Variants in MBTPS1 observed in about 807,000 individuals in gnomAD.
The protein encoded by MBTPS1 is membrane-bound transcription factor site-1 protease.
A neutral mutation model predicts 127.8 loss-of-function variants in MBTPS1; 94 were observed. The ratio of observed to expected loss-of-function variants is 0.74; its 90% CI spans 0.62 to 0.87. The LOEUF is 0.87. Ranked by LOEUF, MBTPS1 falls within the 40% of genes least tolerant of loss-of-function variation. The pLI, the probability that MBTPS1 is intolerant of heterozygous loss-of-function variation, is 0.00. For synonymous variants in MBTPS1, 632 were observed against 509.4 expected, an observed-to-expected ratio of 1.24 and a Z score of -3.24; for missense variants, 1,636 against 1,353.2, an observed-to-expected ratio of 1.21 and a Z score of -3.28.
At chr16:84,114,856 C>T (rs1197122262) in intron 1 of MBTPS1, among the ~76,000 whole-genome samples, 1 of 145,498 alleles carries the variant, frequency 6.9e-6, no homozygotes, top group African/African-American at 2.6e-5. Flanking sequence ...TAAAGCGTTT[C>T]CTCAAGCAGA....
At position 84,063,306 on chromosome 16, in the gene MBTPS1, CT is replaced by C; in HGVS notation, c.2570del (p.Lys857ArgfsTer18). 1 of 1,607,978 alleles carries C rather than the reference CT, an allele frequency of 6.2e-7. No individual in the cohort carries two copies. Among genetic ancestry groups the C allele is most frequent in the Non-Finnish European group, 8.5e-7 (1 of 1,175,188 alleles). ...AAAGTCCATCTGCGTTTTTCCTACC[CT>C]TCTGTCGGTGACTGTCATCCAAGCA... is the stretch of plus-strand genomic sequence containing the variant. ...SNCLDDSHRQ[K>X]DCFWLLDALL... On this transcript the variant is annotated frameshift_variant and splice_region_variant, in exon 19 of 23. Coordinates refer to ENST00000343411, the MANE Select transcript of MBTPS1 (RefSeq NM_003791.4). LOFTEE classifies it high-confidence loss of function.
intron 19 of MBTPS1, among the ~76,000 whole-genome samples, chr16:84,061,811 C>G (rs1002448247): frequency 5.9e-5 from 9 of 152,208 alleles, no homozygotes; most frequent in African/African-American, 2.2e-4. Context: ...GCTTCTGTTT[C>G]CATCTTGTTT....
At chr16:84,112,707 G>C (rs2151176116) in intron 1 of MBTPS1, among the ~76,000 whole-genome samples, 1 of 151,128 alleles carries the variant, frequency 6.6e-6, no homozygotes, top group South Asian at 2.1e-4. Context: ...GGGCTCGGTG[G>C]CTCACAGCTA....
Position 84,090,928 on chromosome 16 carries a change from T to A in MBTPS1, c.978A>T (p.Thr326=), listed in dbSNP as rs766227936. ...HPFVDKVWEL[T]ANNVIMVSAI... is the part of the protein sequence containing the mutation. ...CAGAAACCATGATTACATTGTTAGC[T>A]GTTAATTCCCACACCTACAAAAGGA... The change falls in exon 8 of 23, where the codon ACA becomes ACT. Residue 326 remains threonine, a synonymous_variant. Coordinates refer to ENST00000343411, the MANE Select transcript of MBTPS1 (RefSeq NM_003791.4). 1.2e-6 allele frequency: 2 copies of A among 1,612,272 alleles called. No homozygotes were observed. The highest frequency in any genetic ancestry group is 1.7e-4 in the Middle Eastern group (1 of 6,054).
intron 9 of MBTPS1, among the ~76,000 whole-genome samples, chr16:84,086,845 A>G (rs2086035411): frequency 6.6e-6 from 1 of 152,196 alleles, no homozygotes; most frequent in East Asian, 1.9e-4. Context: ...TGCATAATTA[A>G]ACCCCAAACA....
chr16:84,054,631 G>A lies in MBTPS1; in HGVS notation c.2977C>T (p.Arg993Cys), dbSNP rs767750609. ...WDIPGGIMPG[R>C]YNQEVGQTIP... ...GTCTGGCCCACCTCCTGGTTGTAGCGGCCAGGCATGATCCCTGTAAGAGGA... is the reference window on the plus strand; with the variant it reads ...GTCTGGCCCACCTCCTGGTTGTAGCAGCCAGGCATGATCCCTGTAAGAGGA... The change falls in exon 23 of 23, where the codon CGC (arginine) becomes TGC (cysteine). Residue 993 changes from arginine (R) to cysteine (C), a missense_variant. Physicochemically the swap from Arg to Cys is radical, Grantham distance 180. Transcript: ENST00000343411. The A allele has an allele frequency of 8.1e-6, 13 of 1,606,734 alleles. 1 individual carries two copies. Among genetic ancestry groups the A allele is most frequent in the East Asian group, 4.5e-5 (2 of 44,618 alleles).
chr16:84,058,968 G>A (rs920591294), intron 21 of MBTPS1, among the ~76,000 whole-genome samples: 5 of 152,140 alleles, frequency 3.3e-5, no homozygotes, highest in Non-Finnish European at 7.4e-5. Context: ...CTGAAACAGG[G>A]AACACACTGC....
At chr16:84,070,522 C>T in intron 13 of MBTPS1, 66 bp downstream of exon 13, 3 of 1,531,320 alleles carry the variant, frequency 2.0e-6, no homozygotes, top group Non-Finnish European at 2.7e-6. Flanking sequence ...GGCATTTGGC[C>T]TGTCCCTCCC....
intron 9 of MBTPS1, among the ~76,000 whole-genome samples, chr16:84,086,851 A>C (rs185437177): frequency 1.2e-4 from 18 of 152,322 alleles, no homozygotes; most frequent in Admixed American, 5.9e-4. Context: ...ATTAAACCCC[A>C]AACAGCTGAA....
At chr16:84,106,609 G>C (rs1010869618) in intron 1 of MBTPS1, among the ~76,000 whole-genome samples, 1 of 152,212 alleles carries the variant, frequency 6.6e-6, no homozygotes, top group Non-Finnish European at 1.5e-5. Context: ...AGACAGCCCA[G>C]GGAAGGCCTG....
chr16:84,060,690 C>G lies in MBTPS1; in HGVS notation c.2696G>C (p.Arg899Thr). ...CCTGCCCATCCACTCACCTTCCATC[C>G]TCTCTGGAGTGACTGAGCCTGCTCC... Reference protein sequence around the residue: ...PSGAGSVTPERMEGNHLHRYS... With the variant: ...PSGAGSVTPETMEGNHLHRYS... Residue 899 changes from arginine to threonine, a missense_variant, in exon 20 of 23, where the codon AGG (arginine) becomes ACG (threonine). Physicochemically the swap from Arg to Thr is moderately conservative, Grantham distance 71. Transcript: ENST00000343411. The G allele has an allele frequency of 6.2e-7, 1 of 1,613,830 alleles. No individual in the cohort carries two copies. Among genetic ancestry groups the G allele is most frequent in the Non-Finnish European group, 8.5e-7 (1 of 1,179,818 alleles).
intron 8 of MBTPS1, among the ~76,000 whole-genome samples, chr16:84,089,892 A>G (rs952487715): frequency 6.6e-6 from 1 of 152,166 alleles, no homozygotes; most frequent in Non-Finnish European, 1.5e-5. Flanking sequence ...AGACAAGAAC[A>G]CCTGACGAGA....
intron 8 of MBTPS1, among the ~76,000 whole-genome samples, chr16:84,087,965 A>G (rs970673437): frequency 6.6e-6 from 1 of 152,134 alleles, no homozygotes; most frequent in Middle Eastern, 3.2e-3. Flanking sequence ...TTTTCGATTG[A>G]CCTGTGGTGG....
At chr16:84,112,766 G>A (rs1206561712) in intron 1 of MBTPS1, among the ~76,000 whole-genome samples, 1 of 151,684 alleles carries the variant, frequency 6.6e-6, no homozygotes, top group African/African-American at 2.4e-5. Context: ...CCCGAGGTCA[G>A]GAGTTCAAGA....
chr16:84,087,565 C>G (rs2086048311), intron 8 of MBTPS1, 105 bp from the exon 9 acceptor site: 1 of 724,144 alleles, frequency 1.4e-6, no homozygotes. Flanking sequence ...CCAGAACAAT[C>G]TAACACTGTA....
intron 10 of MBTPS1, among the ~76,000 whole-genome samples, chr16:84,082,601 G>A (rs1392702786): frequency 6.6e-6 from 1 of 152,148 alleles, no homozygotes; most frequent in Non-Finnish European, 1.5e-5. Context: ...ATAAATACAA[G>A]TGAATTTTAA....
chr16:84,077,989 G>C (rs966251398), intron 11 of MBTPS1, among the ~76,000 whole-genome samples: 8 of 151,572 alleles, frequency 5.3e-5, no homozygotes, highest in Non-Finnish European at 8.8e-5. Flanking sequence ...CTCATAAATA[G>C]AGAAACACAA....
chr16:84,057,580 C>G (rs1480710881), intron 21 of MBTPS1: 1 of 152,238 alleles, frequency 6.6e-6, no homozygotes, highest in African/African-American at 2.4e-5. Context: ...GCCCAAAGCG[C>G]CTCTCCACTT....
At chr16:84,091,954 A>AT (rs200167434) in intron 6 of MBTPS1, 106 bp from the exon 7 acceptor site, 438 of 691,454 alleles carry the variant, frequency 6.3e-4, no homozygotes, top group African/African-American at 5.5e-3. Flanking sequence ...AGTTCTCTTA[A>AT]TTTTTTTTTA....
Sources: gnomAD v4.1 joint callset for allele counts (sites outside exome capture counted in the v4.1 genomes callset) on GRCh38, gnomAD v4.1.1 for gene constraint, MANE v1.5 for transcripts, NCBI Gene and HGNC (gene_info 2026-07-23, HGNC 2026-07-21) for gene names.